The following GRAMD1C variants were observed in gnomAD, a reference collection of about 807,000 sequenced individuals.
GRAMD1C encodes protein Aster-C.
GRAMD1C carries 89 observed loss-of-function variants against 97.8 expected under a neutral mutation model. The ratio of observed to expected loss-of-function variants is 0.91; its 90% CI spans 0.77 to 1.09. The LOEUF (loss-of-function observed/expected upper bound fraction) is 1.09, where lower values mean the gene tolerates loss of function less well. Among genes scored for constraint, GRAMD1C ranks in the 50% least tolerant of loss-of-function variants. The pLI, the probability that GRAMD1C is intolerant of heterozygous loss-of-function variation, is 0.00. For missense variants in GRAMD1C, 740 were observed against 766.4 expected (o/e 0.97, Z 0.41); for synonymous variants, 256 against 267.0 (o/e 0.96, Z 0.40).
chr3:113,909,076 A>G lies in GRAMD1C; in HGVS notation c.908A>G (p.Tyr303Cys). Reference protein sequence around the residue: ...SKSLDLNKNEYLSLDKSSTSD... With the variant: ...SKSLDLNKNECLSLDKSSTSD... ...TCACTGGACTTGAATAAAAATGAAT[A>G]TCTTTCTCTGGACAAAAGCAGCACT... Residue 303 changes from tyrosine to cysteine, a missense_variant, in exon 9 of 18, where the codon TAT (tyrosine) becomes TGT (cysteine). Physicochemically the swap from Tyr to Cys is radical, Grantham distance 194. Coordinates refer to ENST00000358160, the MANE Select transcript of GRAMD1C (RefSeq NM_017577.5). The G allele has an allele frequency of 1.9e-6, 3 of 1,556,460 alleles. No individual in the cohort carries two copies. The highest frequency in any genetic ancestry group is 2.6e-6 in the Non-Finnish European group (3 of 1,152,164).
chr3:113,902,680 T>C (rs1936220286), intron 7 of GRAMD1C, among the ~76,000 whole-genome samples: 1 of 152,214 alleles, frequency 6.6e-6, no homozygotes, highest in African/African-American at 2.4e-5. Context: ...TGAGTCTCAC[T>C]CTGTCACCCA....
intron 3 of GRAMD1C, among the ~76,000 whole-genome samples, chr3:113,870,426 A>G (rs2566986): frequency 1 from 152,053 of 152,060 alleles, 76,023 homozygotes; most frequent in Non-Finnish European, 1. Context: ...CCAGAGGGCT[A>G]GGAAAGGTAC....
chr3:113,895,756 A>G (rs1367672013), intron 6 of GRAMD1C, among the ~76,000 whole-genome samples: 2 of 152,066 alleles, frequency 1.3e-5, no homozygotes, highest in African/African-American at 4.8e-5. Context: ...TCAGTGAGCT[A>G]CACCGCCTTC....
chr3:113,930,911 C>G (rs1937394617), intron 11 of GRAMD1C, 79 bp downstream of exon 11: 6 of 709,104 alleles, frequency 8.5e-6, no homozygotes, highest in Non-Finnish European at 1.5e-5. Context: ...CACCAATTTA[C>G]AAGACAGTTT....
intron 10 of GRAMD1C, chr3:113,919,673 C>T: frequency 1.5e-6 from 1 of 645,228 alleles, no homozygotes. Context: ...TCTTATTGTT[C>T]ACCAGCTTGC....
chr3:113,895,347 G>A (rs918028252), intron 6 of GRAMD1C, among the ~76,000 whole-genome samples: 1 of 152,184 alleles, frequency 6.6e-6, no homozygotes, highest in African/African-American at 2.4e-5. Flanking sequence ...ATCAGCTCGT[G>A]AGTGTGGCTT....
chr3:113,941,589 C>G (rs1048773486), intron 17 of GRAMD1C, among the ~76,000 whole-genome samples: 1 of 149,846 alleles, frequency 6.7e-6, no homozygotes, highest in African/African-American at 2.4e-5. Flanking sequence ...TATCATTTTT[C>G]TGAATGATTT....
intron 5 of GRAMD1C, among the ~76,000 whole-genome samples, chr3:113,877,775 G>C (rs576148048): frequency 1.5e-4 from 23 of 151,890 alleles, no homozygotes; most frequent in Admixed American, 3.9e-4. Flanking sequence ...AAGTATTTTG[G>C]GGAAAGGTTT....
At position 113,838,868 on chromosome 3, in the gene GRAMD1C, C is replaced by A. The variant is rs1313964259; in HGVS notation, c.-42C>A. 8.2e-7 allele frequency: 1 copy of A among 1,221,514 alleles called. No individual in the cohort carries two copies. Among genetic ancestry groups the A allele is most frequent in the African/African-American group, 1.6e-5 (1 of 64,012 alleles). 75.7% of individuals were successfully genotyped at this position (1,221,514 alleles called of 1,614,324 possible). A position where few individuals can be genotyped will look rare whatever the true frequency, so the allele number is the denominator to read the frequency against. On this transcript the variant is annotated 5_prime_UTR_variant, in exon 1 of 18. Transcript: ENST00000358160. ...GAGGTGGGCGCGGGGCGGTGCGGTG[C>A]GGTGCGCGCGGGGCGGTGCCGCGGC...
chr3:113,902,201 A>C (rs1197664226), intron 7 of GRAMD1C, among the ~76,000 whole-genome samples: 1 of 152,214 alleles, frequency 6.6e-6, no homozygotes, highest in Non-Finnish European at 1.5e-5. Flanking sequence ...ATGTGCAGAA[A>C]TTTTACTCAT....
At position 113,838,908 on chromosome 3, in the gene GRAMD1C, C is replaced by T. The variant is rs1709695797; in HGVS notation, c.-2C>T. The T allele has an allele frequency of 8.1e-7, 1 of 1,228,006 alleles. No individual in the cohort carries two copies. Among genetic ancestry groups the T allele is most frequent in the East Asian group, 3.2e-5 (1 of 31,442 alleles). 76.1% of individuals were successfully genotyped at this position (1,228,006 alleles called of 1,614,324 possible). On this transcript the variant is annotated 5_prime_UTR_variant, in exon 1 of 18. Coordinates refer to ENST00000358160, the MANE Select transcript of GRAMD1C (RefSeq NM_017577.5). ...GGTGCCGCGGCGGCGGAGGGAGCCG[C>T]GATGGAGGGCGCTCCGACTGTCCGT...
At chr3:113,919,156 C>G in intron 10 of GRAMD1C, 1 of 262,536 alleles carries the variant, frequency 3.8e-6, no homozygotes, top group South Asian at 4.3e-5. Context: ...GCAGAAGGAG[C>G]TGGGGCTGAC....
chr3:113,915,906 T>C, intron 10 of GRAMD1C, 68 bp downstream of exon 10: 1 of 1,198,096 alleles, frequency 8.3e-7, no homozygotes. Context: ...ATATTGAGCA[T>C]ATATAAACTG....
intron 10 of GRAMD1C, among the ~76,000 whole-genome samples, chr3:113,920,605 G>T (rs191134639): frequency 2.0e-3 from 301 of 152,098 alleles, no homozygotes; most frequent in African/African-American, 7.0e-3. Flanking sequence ...GCAATGGTGC[G>T]ATCTCGGCTC....
chr3:113,834,161 T>C (rs1709600737), upstream of GRAMD1C, among the ~76,000 whole-genome samples: 3 of 152,288 alleles, frequency 2.0e-5, no homozygotes, highest in South Asian at 6.2e-4. Flanking sequence ...AAATTCGCTA[T>C]ATTACTTTAC....
chr3:113,861,787 A>G (rs1411666119), intron 2 of GRAMD1C, among the ~76,000 whole-genome samples: 1 of 152,164 alleles, frequency 6.6e-6, no homozygotes, highest in African/African-American at 2.4e-5. Flanking sequence ...GTAAATCAGG[A>G]CTACAATGGT....
intron 3 of GRAMD1C, among the ~76,000 whole-genome samples, chr3:113,874,767 C>A (rs923292044): frequency 6.6e-6 from 1 of 152,122 alleles, no homozygotes; most frequent in African/African-American, 2.4e-5. Context: ...GTACTACCTC[C>A]TAAATATGTC....
chr3:113,868,332 A>G (rs1179975885), intron 2 of GRAMD1C, among the ~76,000 whole-genome samples: 1 of 152,036 alleles, frequency 6.6e-6, no homozygotes, highest in Non-Finnish European at 1.5e-5. Context: ...TTTCCTTAGT[A>G]TGAGTCAAAT....
At chr3:113,900,322 G>A (rs1048435281) in intron 6 of GRAMD1C, among the ~76,000 whole-genome samples, 1 of 151,240 alleles carries the variant, frequency 6.6e-6, no homozygotes, top group Non-Finnish European at 1.5e-5. Flanking sequence ...TTGCACCACT[G>A]CACTCCAGCC....
Sources: allele counts gnomAD v4.1 joint callset (sites outside exome capture counted in the v4.1 genomes callset), GRCh38; gene constraint gnomAD v4.1.1; transcripts MANE v1.5; gene names NCBI Gene and HGNC (gene_info 2026-07-23, HGNC 2026-07-21).